Variants in EXTL3 observed in about 807,000 individuals in gnomAD.
EXTL3 encodes the protein exostosin-like 3.
EXTL3 carries 27 observed loss-of-function variants against 69.3 expected under a neutral mutation model. That is an observed-to-expected ratio of 0.39 (90% CI 0.29 to 0.54). The LOEUF (loss-of-function observed/expected upper bound fraction) is 0.54. EXTL3 is among the 20% of genes least tolerant of loss of function. The pLI is 0.69. For synonymous variants in EXTL3, 511 were observed against 499.4 expected (o/e 1.02, Z -0.31); for missense variants, 1,003 against 1,231.8 (o/e 0.81, Z 2.78).
chr8:28,741,141 C>T (rs879736536), intron 5 of EXTL3: 3 of 152,144 alleles, frequency 2.0e-5, no homozygotes, highest in Non-Finnish European at 4.4e-5. Context: ...CTCAAGTGAT[C>T]CACCCGCCTT....
rs145611865 is a variant in EXTL3, at chr8:28,675,180, C to T, written c.-52-38277C>T. ...TGGGAGAGGCACCAAACAGTCCATC[C>T]AGAGGCCAAACTCCTCAGCTGAGGG... On this transcript the variant is annotated intron_variant, in intron 1 of 6. Coordinates refer to the EXTL3 transcript ENST00000523149. Among the ~76,000 whole-genome samples the T allele has an allele frequency of 8.6e-3, 1,316 of 152,250 alleles. 4 individuals are homozygous for T. The highest frequency in any genetic ancestry group is 0.013 in the Non-Finnish European group (885 of 68,014).
chr8:28,642,101 C>T (rs1489286363), intron 1 of EXTL3, among the ~76,000 whole-genome samples: 1 of 152,144 alleles, frequency 6.6e-6, no homozygotes, highest in African/African-American at 2.4e-5. Context: ...TCCCAAAGTG[C>T]TGGGATTACA....
Position 28,750,879 on chromosome 8 carries a change from G to A in EXTL3, c.*13G>A, listed in dbSNP as rs1461961301. On this transcript the variant is annotated 3_prime_UTR_variant, in exon 7 of 7. Coordinates refer to ENST00000220562, the MANE Select transcript of EXTL3 (RefSeq NM_001440.4). This position sits in a 1 kb window ranked among gnomAD's most constrained non-coding sequence, Gnocchi z 5.2. ...CAAGTTCATCTAGGGGCAGCGCACG[G>A]TCTGGGGAAGAGGATGAGCAGAGGG... 1 of 1,612,134 alleles carries A rather than the reference G, an allele frequency of 6.2e-7. No homozygotes were observed. Among genetic ancestry groups the A allele is most frequent in the Non-Finnish European group, 8.5e-7 (1 of 1,178,606 alleles).
At position 28,731,310 on chromosome 8, in the gene EXTL3, G is replaced by C; in HGVS notation, c.2236G>C (p.Asp746His). ...AGAGGCCATCCTGTCCATTGATGAC[G>C]ATGCTCACCTCCGCCATGACGAAAT... ...ETEAILSIDD[D>H]AHLRHDEIMF... Residue 746 changes from aspartate (D) to histidine (H), a missense_variant, in exon 4 of 7, where the codon GAT becomes CAT. Physicochemically the swap from Asp to His is moderately conservative, Grantham distance 81. Around this residue, in one of 2 missense-constraint regions of EXTL3, gnomAD observed 261 missense variants for 416.4 expected, o/e 0.63. Transcript: ENST00000220562. 1 of 1,614,182 alleles carries C rather than the reference G, an allele frequency of 6.2e-7. No individual in the cohort carries two copies. Among genetic ancestry groups the C allele is most frequent in the Non-Finnish European group, 8.5e-7 (1 of 1,180,022 alleles).
At chr8:28,638,865 A>AG (rs1158432936) in intron 1 of EXTL3, among the ~76,000 whole-genome samples, 1 of 151,878 alleles carries the variant, frequency 6.6e-6, no homozygotes, top group Non-Finnish European at 1.5e-5. Context: ...TCCTGACGTC[A>AG]GGTGATCCGC....
chr8:28,740,082 G>A (rs1801742848), intron 5 of EXTL3: 1 of 152,074 alleles, frequency 6.6e-6, no homozygotes, highest in Non-Finnish European at 1.5e-5. Context: ...GAGATTTTTG[G>A]GCCCTCTAGT....
At chr8:28,636,409 T>C (rs1806656739) in intron 1 of EXTL3, among the ~76,000 whole-genome samples, 1 of 151,958 alleles carries the variant, frequency 6.6e-6, no homozygotes, top group Non-Finnish European at 1.5e-5. Context: ...TGAGCTCTTA[T>C]CACCCTCAAC....
intron 2 of EXTL3, among the ~76,000 whole-genome samples, chr8:28,714,408 T>C (rs1479246221): frequency 6.6e-6 from 1 of 152,180 alleles, no homozygotes; most frequent in African/African-American, 2.4e-5. Context: ...TAGTTAAACA[T>C]CTTTGACAGA....
At chr8:28,613,881 G>A (rs1245802901) in intron 2 of EXTL3, among the ~76,000 whole-genome samples, 2 of 151,386 alleles carry the variant, frequency 1.3e-5, no homozygotes, top group African/African-American at 4.9e-5. Context: ...CTCACTTGGT[G>A]CAGTCATAGC....
At chr8:28,724,233 G>A (rs1190895534) in intron 3 of EXTL3, among the ~76,000 whole-genome samples, 1 of 152,086 alleles carries the variant, frequency 6.6e-6, no homozygotes, top group African/African-American at 2.4e-5. Context: ...TTGTTGACCT[G>A]CTAACCTAGG....
chr8:28,642,877 T>A (rs902468528), intron 1 of EXTL3, among the ~76,000 whole-genome samples: 4 of 152,206 alleles, frequency 2.6e-5, no homozygotes, highest in African/African-American at 9.6e-5. Context: ...AAACTACTTT[T>A]AAAATGACTT....
Position 28,715,724 on chromosome 8 carries a change from T to C in EXTL3, c.-336T>C. ...ACAAGAGCTATGGCATTTGAAAAAG[T>C]CTGTCTGATTCCAGGGTGTTTTTCC... On this transcript the variant is annotated 5_prime_UTR_variant, in exon 3 of 7. Transcript: ENST00000220562. The C allele has an allele frequency of 3.0e-6, 1 of 338,176 alleles. No individual in the cohort carries two copies. The highest frequency in any genetic ancestry group is 5.5e-6 in the Non-Finnish European group (1 of 182,654). 20.9% of individuals were successfully genotyped at this position (338,176 alleles called of 1,614,324 possible). A position where few individuals can be genotyped will look rare whatever the true frequency, so the allele number is the denominator to read the frequency against.
chr8:28,616,022 G>A (rs547346919), intron 2 of EXTL3, among the ~76,000 whole-genome samples: 1 of 151,550 alleles, frequency 6.6e-6, no homozygotes, highest in East Asian at 2.0e-4. Flanking sequence ...GTCACTTGAG[G>A]CCAGGAGTTT....
intron 4 of EXTL3, among the ~76,000 whole-genome samples, chr8:28,736,017 G>A (rs1801645333): frequency 6.6e-6 from 1 of 152,196 alleles, no homozygotes; most frequent in Non-Finnish European, 1.5e-5. Context: ...GGGGATTAGT[G>A]TTTAATGGGG....
intron 1 of EXTL3, among the ~76,000 whole-genome samples, 191 bp downstream of exon 1, chr8:28,701,850 TGGCTCGGG>T (rs1166787077): frequency 5.9e-5 from 9 of 151,866 alleles, no homozygotes; most frequent in Non-Finnish European, 1.3e-4. Context: ...GCCTGCCCGG[TGGCTCGGG>T]GGCCCGGGGA....
At chr8:28,622,307 G>T (rs1040026225), upstream of EXTL3, among the ~76,000 whole-genome samples, 1 of 152,248 alleles carries the variant, frequency 6.6e-6, no homozygotes, top group Non-Finnish European at 1.5e-5. Flanking sequence ...CCCAGCGACC[G>T]GCGCCCTCTG....
intron 1 of EXTL3, among the ~76,000 whole-genome samples, chr8:28,627,076 G>T (rs1243854183): frequency 6.6e-6 from 1 of 151,994 alleles, no homozygotes; most frequent in African/African-American, 2.4e-5. Flanking sequence ...CAGCTACTCA[G>T]GAGGCTGAGG....
At chr8:28,686,715 G>A (rs1414930306) in intron 1 of EXTL3, among the ~76,000 whole-genome samples, 2 of 152,132 alleles carry the variant, frequency 1.3e-5, no homozygotes, top group Non-Finnish European at 2.9e-5. Context: ...AGGGCAATTA[G>A]GAGGAGAAAG....
intron 1 of EXTL3, among the ~76,000 whole-genome samples, chr8:28,713,025 T>C (rs1370785300): frequency 6.6e-6 from 1 of 152,216 alleles, no homozygotes; most frequent in East Asian, 1.9e-4. Flanking sequence ...TCACGGCCGA[T>C]CTTGGGTTCA....
Sources: allele counts gnomAD v4.1 joint callset (sites outside exome capture counted in the v4.1 genomes callset), GRCh38; gene constraint gnomAD v4.1.1; regional missense constraint gnomAD v4.1.1; non-coding constraint Gnocchi (gnomAD v3.1); transcripts MANE v1.5; gene names NCBI Gene and HGNC (gene_info 2026-07-23, HGNC 2026-07-21).